ALKBH8: variants seen among roughly 807,000 people sequenced by gnomAD.
ALKBH8 encodes the protein alkB homolog 8, tRNA methyltransferase.
A neutral mutation model predicts 59.8 loss-of-function variants in ALKBH8; 36 were observed. That is an observed-to-expected ratio of 0.60 (90% confidence interval 0.46 to 0.79). ALKBH8 has a LOEUF of 0.79. ALKBH8 is among the 30% of genes least tolerant of loss of function. The probability of loss-of-function intolerance (pLI) is 0.00; values close to 1 mark genes in which losing one functional copy is unlikely to be tolerated. For missense variants in ALKBH8, 768 were observed against 801.0 expected (o/e 0.96, Z 0.50); for synonymous variants, 276 against 273.6 (o/e 1.01, Z -0.09).
intron 7 of ALKBH8, among the ~76,000 whole-genome samples, chr11:107,539,210 T>C (rs1252038803): frequency 6.6e-6 from 1 of 152,222 alleles, no homozygotes; most frequent in Non-Finnish European, 1.5e-5. Context: ...ACAGTAATTT[T>C]GCCCTGGAGA....
intron 7 of ALKBH8, among the ~76,000 whole-genome samples, chr11:107,533,483 C>G (rs1863681220): frequency 6.6e-6 from 1 of 152,092 alleles, no homozygotes; most frequent in Non-Finnish European, 1.5e-5. Flanking sequence ...AAGTAGTTTT[C>G]TTCCTTTCTA....
At chr11:107,551,717 T>C (rs867025514) in intron 6 of ALKBH8, 91 bp downstream of exon 6, 4 of 371,774 alleles carry the variant, frequency 1.1e-5, no homozygotes, top group African/African-American at 6.9e-5. Flanking sequence ...ATAATAATAA[T>C]AATAATAATA....
At chr11:107,505,507 T>C (rs534880049) in intron 11 of ALKBH8, among the ~76,000 whole-genome samples, 1 of 152,356 alleles carries the variant, frequency 6.6e-6, no homozygotes, top group Non-Finnish European at 1.5e-5. Context: ...TGACTTCTTC[T>C]AGGGCTATAA....
At chr11:107,547,694 A>T (rs992312882) in intron 7 of ALKBH8, among the ~76,000 whole-genome samples, 2 of 152,230 alleles carry the variant, frequency 1.3e-5, no homozygotes, top group African/African-American at 2.4e-5. Context: ...TAATCATAAA[A>T]ATAAACTTCA....
intron 7 of ALKBH8, among the ~76,000 whole-genome samples, chr11:107,534,657 C>T (rs1287120805): frequency 1.3e-5 from 2 of 152,218 alleles, no homozygotes; most frequent in African/African-American, 2.4e-5. Context: ...TTTTGAAACA[C>T]CTGTCCTGGC....
intron 9 of ALKBH8, among the ~76,000 whole-genome samples, chr11:107,523,164 A>G (rs1216896124): frequency 6.6e-6 from 1 of 152,342 alleles, no homozygotes; most frequent in East Asian, 1.9e-4. Flanking sequence ...CTGCACTCAC[A>G]TGTTTACTGC....
At chr11:107,514,892 CAG>C (rs1862796585) in intron 10 of ALKBH8, among the ~76,000 whole-genome samples, 1 of 152,048 alleles carries the variant, frequency 6.6e-6, no homozygotes, top group African/African-American at 2.4e-5. Flanking sequence ...CTGAGAGCCA[CAG>C]ATAAGACAGA....
chr11:107,527,857 T>C (rs1376058110), intron 8 of ALKBH8, among the ~76,000 whole-genome samples: 2 of 152,060 alleles, frequency 1.3e-5, no homozygotes, highest in African/African-American at 2.4e-5. Flanking sequence ...TAGCATTAAA[T>C]AGAAGGAGTA....
At chr11:107,545,799 T>C (rs561108646) in intron 7 of ALKBH8, among the ~76,000 whole-genome samples, 1 of 152,298 alleles carries the variant, frequency 6.6e-6, no homozygotes, top group Non-Finnish European at 1.5e-5. Context: ...TAATTGAAAT[T>C]GCAATTCTCA....
At chr11:107,507,910 C>G (rs1862458035) in intron 11 of ALKBH8, among the ~76,000 whole-genome samples, 1 of 152,162 alleles carries the variant, frequency 6.6e-6, no homozygotes, top group East Asian at 1.9e-4. Flanking sequence ...CCTATATCAT[C>G]TTTCACAGTG....
At chr11:107,559,525 T>G in intron 2 of ALKBH8, among the ~76,000 whole-genome samples, 1 of 152,022 alleles carries the variant, frequency 6.6e-6, no homozygotes, top group East Asian at 1.9e-4. Flanking sequence ...TCTTGCTACT[T>G]CTCTTCATAA....
In ALKBH8 at chr11:107,511,042, A is replaced by G; in HGVS notation, c.1288-6T>C. 6.4e-7 allele frequency: 1 copy of G among 1,550,608 alleles called. No homozygotes were observed. Among genetic ancestry groups the G allele is most frequent in the East Asian group, 2.4e-5 (1 of 40,916 alleles). On this transcript the variant is annotated splice_region_variant and splice_polypyrimidine_tract_variant and intron_variant, in intron 10 of 11. Coordinates refer to ENST00000428149, the MANE Select transcript of ALKBH8 (RefSeq NM_138775.3). ...TGGCTACGATCACAACCAATCTGTA[A>G]CAGAGAAGGAATTCCATAACATTTT...
chr11:107,547,008 T>C (rs1046237600), intron 7 of ALKBH8, among the ~76,000 whole-genome samples: 5 of 152,100 alleles, frequency 3.3e-5, no homozygotes, highest in Non-Finnish European at 7.4e-5. Context: ...AGAAATTTCC[T>C]GGGAAAGAGA....
At chr11:107,562,387 T>C (rs781027431) in intron 1 of ALKBH8, among the ~76,000 whole-genome samples, 1 of 150,808 alleles carries the variant, frequency 6.6e-6, no homozygotes, top group African/African-American at 2.4e-5. Context: ...AAGAACACTA[T>C]AGAATCAAAT....
chr11:107,541,168 T>C (rs1189833863), intron 7 of ALKBH8, among the ~76,000 whole-genome samples: 1 of 152,188 alleles, frequency 6.6e-6, no homozygotes. Context: ...CACAGAATAG[T>C]TAGCTGTTGG....
At chr11:107,554,121 A>T in intron 3 of ALKBH8, 143 bp from the exon 4 acceptor site, 1 of 979,866 alleles carries the variant, frequency 1.0e-6, no homozygotes, top group Non-Finnish European at 1.5e-6. Context: ...CACCCAACAT[A>T]TTAAAAGTGC....
chr11:107,502,872 T>C lies in ALKBH8; in HGVS notation c.*1786A>G, dbSNP rs932942313. On this transcript the variant is annotated 3_prime_UTR_variant, in exon 12 of 12. Coordinates refer to ENST00000428149, the MANE Select transcript of ALKBH8 (RefSeq NM_138775.3). Reference sequence around the variant, plus strand: ...CACTATCCTATGATGTATACAAATATACTTTCAGTGAATTTTCATAACAAC... The same window carrying C: ...CACTATCCTATGATGTATACAAATACACTTTCAGTGAATTTTCATAACAAC... 3.3e-5 allele frequency: 5 copies of C among 152,368 alleles called. No individual in the cohort carries two copies. The East Asian group carries it at 9.6e-4, about 29-fold the overall frequency. 9.4% of individuals were successfully genotyped at this position (152,368 alleles called of 1,614,324 possible). A position where few individuals can be genotyped will look rare whatever the true frequency, so the allele number is the denominator to read the frequency against.
At chr11:107,540,287 C>T (rs1212766567) in intron 7 of ALKBH8, among the ~76,000 whole-genome samples, 2 of 152,182 alleles carry the variant, frequency 1.3e-5, no homozygotes, top group Non-Finnish European at 2.9e-5. Flanking sequence ...CAAATTCCAC[C>T]TTTCAAATAC....
intron 6 of ALKBH8, among the ~76,000 whole-genome samples, chr11:107,551,375 G>A (rs761690906): frequency 6.6e-6 from 1 of 152,178 alleles, no homozygotes; most frequent in Non-Finnish European, 1.5e-5. Flanking sequence ...AAGGCAATCT[G>A]ACAGTTAATT....
Sources: allele counts gnomAD v4.1 joint callset (sites outside exome capture counted in the v4.1 genomes callset), GRCh38; gene constraint gnomAD v4.1.1; transcripts MANE v1.5; gene names NCBI Gene and HGNC (gene_info 2026-07-23, HGNC 2026-07-21).